STON2: variants seen among roughly 807,000 people sequenced by gnomAD.
STON2 encodes stonin-2.
Under a neutral mutation model 65.7 loss-of-function variants are expected in STON2, and 29 were observed. The ratio of observed to expected loss-of-function variants is 0.44; its 90% CI spans 0.33 to 0.60. The LOEUF (loss-of-function observed/expected upper bound fraction) is 0.60. Ranked by LOEUF, STON2 falls within the 20% of genes least tolerant of loss-of-function variation. The pLI, the probability that STON2 is intolerant of heterozygous loss-of-function variation, is 0.03. For synonymous variants in STON2, 404 were observed against 414.2 expected (o/e 0.98, Z 0.30); for missense variants, 1,054 against 1,118.1 (o/e 0.94, Z 0.82).
intron 3 of STON2, among the ~76,000 whole-genome samples, chr14:81,393,652 T>A (rs1900183503): frequency 6.6e-6 from 1 of 152,212 alleles, no homozygotes. Context: ...TGATATGAAG[T>A]AGCTAAGGCA....
intron 1 of STON2, among the ~76,000 whole-genome samples, chr14:81,431,111 G>A (rs12589111): frequency 0.021 from 3,145 of 152,262 alleles, 115 homozygotes; most frequent in East Asian, 0.16. Context: ...ATGACCTGGA[G>A]AGGGAAACAG....
intron 6 of STON2, among the ~76,000 whole-genome samples, chr14:81,273,935 C>T (rs1287703405): frequency 6.6e-6 from 1 of 152,224 alleles, no homozygotes; most frequent in Non-Finnish European, 1.5e-5. Flanking sequence ...AAAAAATAAC[C>T]TGTACAAAGC....
chr14:81,330,517 A>T (rs867918359), intron 4 of STON2, among the ~76,000 whole-genome samples: 2 of 152,124 alleles, frequency 1.3e-5, no homozygotes, highest in African/African-American at 4.8e-5. Context: ...TAATATTTTT[A>T]AAAAGAAGTG....
At chr14:81,326,354 G>C (rs1897003971) in intron 4 of STON2, among the ~76,000 whole-genome samples, 1 of 152,132 alleles carries the variant, frequency 6.6e-6, no homozygotes, top group South Asian at 2.1e-4. Flanking sequence ...ATGTAAAATA[G>C]TAAAATGATG....
At chr14:81,381,030 G>GA (rs907892574) in intron 3 of STON2, among the ~76,000 whole-genome samples, 12 of 152,038 alleles carry the variant, frequency 7.9e-5, no homozygotes, top group Non-Finnish European at 1.6e-4. Flanking sequence ...TTAACAAGCA[G>GA]AATCATACTA....
At chr14:81,366,734 T>C (rs1352971850) in intron 4 of STON2, among the ~76,000 whole-genome samples, 1 of 152,086 alleles carries the variant, frequency 6.6e-6, no homozygotes, top group South Asian at 2.1e-4. Flanking sequence ...ATGCTATAGT[T>C]TGAGTAACAG....
intron 4 of STON2, among the ~76,000 whole-genome samples, chr14:81,365,311 AC>A (rs1419168541): frequency 2.0e-5 from 3 of 152,168 alleles, no homozygotes; most frequent in Admixed American, 1.3e-4. Context: ...GGTTTGGCAG[AC>A]CACCACCTGC....
At chr14:81,419,937 C>T (rs1901622756) in intron 2 of STON2, among the ~76,000 whole-genome samples, 1 of 152,158 alleles carries the variant, frequency 6.6e-6, no homozygotes, top group Non-Finnish European at 1.5e-5. Context: ...CTGCTGGGAA[C>T]TAAGGTACCT....
chr14:81,417,146 C>G (rs2371599), intron 2 of STON2, among the ~76,000 whole-genome samples: 43,778 of 152,070 alleles, frequency 0.29, 9,485 homozygotes, highest in African/African-American at 0.59. Context: ...AAAGGACTCA[C>G]TGACACTCCA....
intron 5 of STON2, among the ~76,000 whole-genome samples, chr14:81,318,210 A>G (rs1417219210): frequency 6.6e-6 from 1 of 152,082 alleles, no homozygotes; most frequent in Admixed American, 6.6e-5. Flanking sequence ...GTGATCTGCC[A>G]GCCTCGGCCA....
At chr14:81,330,915 T>G (rs1897187634) in intron 4 of STON2, among the ~76,000 whole-genome samples, 2 of 152,196 alleles carry the variant, frequency 1.3e-5, no homozygotes, top group Admixed American at 6.5e-5. Flanking sequence ...ATTAAGTTAG[T>G]GCAAGGAAGG....
At chr14:81,406,395 C>T (rs1452654012) in intron 2 of STON2, among the ~76,000 whole-genome samples, 2 of 152,148 alleles carry the variant, frequency 1.3e-5, no homozygotes, top group African/African-American at 4.8e-5. Context: ...AAGTCTGACC[C>T]TCTGCCTTTT....
intron 5 of STON2, among the ~76,000 whole-genome samples, chr14:81,299,060 A>T (rs1309314013): frequency 1.3e-5 from 2 of 152,200 alleles, no homozygotes; most frequent in African/African-American, 4.8e-5. Context: ...GAAAATAGCA[A>T]CAGCCCAAAA....
intron 5 of STON2, among the ~76,000 whole-genome samples, chr14:81,298,383 T>C (rs1895842611): frequency 7.4e-6 from 1 of 134,984 alleles, no homozygotes; most frequent in African/African-American, 2.7e-5. Context: ...TTCCTCTAGC[T>C]CCAGGCCTCT....
intron 4 of STON2, among the ~76,000 whole-genome samples, chr14:81,368,500 G>C (rs996308196): frequency 2.0e-5 from 3 of 152,146 alleles, no homozygotes; most frequent in Non-Finnish European, 4.4e-5. Context: ...GATCACCTGA[G>C]GTCAGGAGTT....
At chr14:81,270,992 A>G (rs1210615132) in intron 6 of STON2, 120 bp from the exon 7 acceptor site, 5 of 1,369,206 alleles carry the variant, frequency 3.7e-6, no homozygotes, top group Non-Finnish European at 4.8e-6. Flanking sequence ...AGCCTTTCAG[A>G]GGGTCCAGTG....
intron 1 of STON2, among the ~76,000 whole-genome samples, 99 bp downstream of exon 1, chr14:81,400,180 G>C (rs768351723): frequency 6.6e-6 from 1 of 152,158 alleles, no homozygotes; most frequent in Non-Finnish European, 1.5e-5. Context: ...AAGCCCAGAA[G>C]CCTCTTCTCC....
At chr14:81,419,817 G>A (rs1309178250) in intron 2 of STON2, among the ~76,000 whole-genome samples, 1 of 152,186 alleles carries the variant, frequency 6.6e-6, no homozygotes, top group African/African-American at 2.4e-5. Flanking sequence ...CAATCCCAAG[G>A]AAGCCCAAGT....
intron 4 of STON2, among the ~76,000 whole-genome samples, chr14:81,327,726 G>A (rs950874216): frequency 1.3e-5 from 2 of 152,056 alleles, no homozygotes; most frequent in African/African-American, 2.4e-5. Flanking sequence ...TTTTGGCCAC[G>A]ACATGTTATG....
Sources: gnomAD v4.1 joint callset for allele counts (sites outside exome capture counted in the v4.1 genomes callset) on GRCh38, gnomAD v4.1.1 for gene constraint, MANE v1.5 for transcripts, NCBI Gene and HGNC (gene_info 2026-07-23, HGNC 2026-07-21) for gene names.